The following CDC25C variants were observed in gnomAD, a reference collection of about 807,000 sequenced individuals.
CDC25C encodes M-phase inducer phosphatase 3.
A neutral mutation model predicts 52.5 loss-of-function variants in CDC25C; 48 were observed. The observed-to-expected ratio is 0.91, with a 90% CI of 0.72 to 1.16. The LOEUF is 1.16. Ranked by LOEUF, CDC25C falls within the 50% of genes most tolerant of loss-of-function variation. The pLI is 0.00. For synonymous variants in CDC25C, 187 were observed against 206.5 expected, an observed-to-expected ratio of 0.91 and a Z score of 0.81; for missense variants, 510 against 566.1, an observed-to-expected ratio of 0.90 and a Z score of 1.01.
chr5:138,330,598 C>T (rs1400262397), intron 2 of CDC25C, among the ~76,000 whole-genome samples: 3 of 152,176 alleles, frequency 2.0e-5, no homozygotes, highest in Admixed American at 6.5e-5. Flanking sequence ...GCCTCCACCT[C>T]CCGGGCTCAA....
chr5:138,330,826 CA>C (rs1760310360), intron 2 of CDC25C, among the ~76,000 whole-genome samples, 160 bp downstream of exon 2: 1 of 152,220 alleles, frequency 6.6e-6, no homozygotes. Context: ...TTTCTTGTCA[CA>C]GAAAAGAAGG....
intron 6 of CDC25C, among the ~76,000 whole-genome samples, chr5:138,320,510 T>A (rs901099654): frequency 5.9e-5 from 9 of 152,006 alleles, no homozygotes; most frequent in Admixed American, 3.9e-4. Flanking sequence ...AGATGAACTT[T>A]GAAGACATTA....
chr5:138,338,248 G>A (rs1422333893), exon 1 of CDC25C: 1 of 1,146,240 alleles, frequency 8.7e-7, no homozygotes, highest in African/African-American at 1.6e-5. Context: ...AGGGCACCGT[G>A]GGGCGAACCG....
intron 7 of CDC25C, among the ~76,000 whole-genome samples, chr5:138,318,702 G>A (rs1436226470): frequency 4.6e-5 from 7 of 152,082 alleles, no homozygotes; most frequent in East Asian, 1.9e-4. Context: ...GCGACAGAGC[G>A]AGAATCTGTC....
At chr5:138,309,221 A>AT (rs1383381514) in intron 7 of CDC25C, among the ~76,000 whole-genome samples, 1 of 130,082 alleles carries the variant, frequency 7.7e-6, no homozygotes, top group Non-Finnish European at 1.8e-5. Flanking sequence ...ACAAACTGGT[A>AT]TTAAAAAAAA....
intron 10 of CDC25C, among the ~76,000 whole-genome samples, chr5:138,288,190 C>T (rs1481087167): frequency 6.6e-6 from 1 of 152,116 alleles, no homozygotes; most frequent in Non-Finnish European, 1.5e-5. Context: ...ATTCTCCTGC[C>T]TCAGCCTCCC....
rs1388357370 is a variant in CDC25C, at chr5:138,292,065, T to C, written c.667A>G (p.Arg223Gly). 1 of 1,613,250 alleles carries C rather than the reference T, an allele frequency of 6.2e-7. No individual in the cohort carries two copies. The highest frequency in any genetic ancestry group is 8.5e-7 in the Non-Finnish European group (1 of 1,179,560). ...RSPSMPENLN[R>G]PRLKQVEKFK... The stretch of plus-strand genomic sequence containing the variant: ...TTTTCCACCTGCTTCAGTCTTGGCC[T>C]GTTCAAGTTCTCTGGCATCGACGGG... The change falls in exon 8 of 14, where the codon AGG becomes GGG. Residue 223 changes from arginine to glycine, a missense_variant. Coordinates refer to ENST00000323760, the MANE Select transcript of CDC25C (RefSeq NM_001790.5).
At chr5:138,326,906 C>A (rs750814482) in intron 4 of CDC25C, among the ~76,000 whole-genome samples, 1 of 139,434 alleles carries the variant, frequency 7.2e-6, no homozygotes, top group Non-Finnish European at 1.5e-5. Context: ...GAGCCGAGAT[C>A]GCGCCATTGC....
chr5:138,299,363 G>A (rs1757463496), intron 7 of CDC25C, among the ~76,000 whole-genome samples: 2 of 151,052 alleles, frequency 1.3e-5, no homozygotes, highest in Non-Finnish European at 2.9e-5. Flanking sequence ...AGGCGTGGTA[G>A]GGTACGCCTG....
chr5:138,292,187 C>A, intron 7 of CDC25C, 71 bp from the exon 8 acceptor site: 1 of 1,216,090 alleles, frequency 8.2e-7, no homozygotes. Context: ...GCAACAACAT[C>A]TCCTGGGAGC....
intron 7 of CDC25C, among the ~76,000 whole-genome samples, chr5:138,303,663 T>C (rs187718812): frequency 3.3e-5 from 5 of 152,198 alleles, no homozygotes; most frequent in African/African-American, 1.2e-4. Flanking sequence ...CTCAAATAAG[T>C]CTCCTCTGAC....
At chr5:138,301,358 C>G (rs1316185891) in intron 7 of CDC25C, among the ~76,000 whole-genome samples, 2 of 152,044 alleles carry the variant, frequency 1.3e-5, no homozygotes, top group Non-Finnish European at 2.9e-5. Context: ...TTAAAATGGA[C>G]AAATTCCTTC....
chr5:138,297,473 T>C lies in CDC25C; in HGVS notation c.616-5357A>G, dbSNP rs185728059. 1.5e-3 allele frequency among the ~76,000 whole-genome samples: 229 copies of C among 152,338 alleles called. 1 individual carries two copies. The highest frequency in any genetic ancestry group is 0.01 in the Middle Eastern group (3 of 294). The stretch of plus-strand genomic sequence containing the variant: ...ATTTTCTTTGTTAGGCCTCCTTACC[T>C]ATCAAACCTCTAATAGATGCTGGAT... On this transcript the variant is annotated intron_variant, in intron 7 of 13. Transcript: ENST00000323760.
chr5:138,319,476 A>G (rs2126793594), intron 6 of CDC25C, 102 bp from the exon 7 acceptor site: 1 of 866,822 alleles, frequency 1.2e-6, no homozygotes, highest in South Asian at 2.4e-5. Flanking sequence ...GATAAGGGAA[A>G]AAATTCATGA....
At chr5:138,305,901 A>G (rs923970744) in intron 7 of CDC25C, among the ~76,000 whole-genome samples, 1 of 152,196 alleles carries the variant, frequency 6.6e-6, no homozygotes, top group Admixed American at 6.5e-5. Flanking sequence ...AGAAGCTCAA[A>G]AAGCAAAGGG....
chr5:138,291,894 A>G, intron 8 of CDC25C, 76 bp downstream of exon 8: 1 of 1,269,382 alleles, frequency 7.9e-7, no homozygotes, highest in South Asian at 1.5e-5. Flanking sequence ...AAGGCATAAT[A>G]AAACAATCCT....
intron 7 of CDC25C, among the ~76,000 whole-genome samples, chr5:138,312,063 G>T (rs965962351): frequency 6.6e-6 from 1 of 152,222 alleles, no homozygotes; most frequent in Admixed American, 6.5e-5. Context: ...TGTTGGCTAT[G>T]ATATGGAGAA....
chr5:138,337,155 T>G (rs945341664), intron 1 of CDC25C: 1 of 152,218 alleles, frequency 6.6e-6, no homozygotes, highest in Non-Finnish European at 1.5e-5. Context: ...TTAAAGCCTC[T>G]CCTTTATCCA....
Position 138,285,601 on chromosome 5 carries a change from C to T in CDC25C, c.*91G>A. On this transcript the variant is annotated 3_prime_UTR_variant, in exon 14 of 14. Transcript: ENST00000323760. ...GTTTGCAGAGACATCTTTTAATAAT[C>T]TTGGGTTTGGCCATCCAGAAGGCCT... The T allele has an allele frequency of 8.5e-7, 1 of 1,176,874 alleles. No homozygotes were observed. The highest frequency in any genetic ancestry group is 2.3e-5 in the East Asian group (1 of 42,730). 72.9% of individuals were successfully genotyped at this position (1,176,874 alleles called of 1,614,324 possible).
Sources: gnomAD v4.1 joint callset for allele counts (sites outside exome capture counted in the v4.1 genomes callset) on GRCh38, gnomAD v4.1.1 for gene constraint, MANE v1.5 for transcripts, NCBI Gene and HGNC (gene_info 2026-07-23, HGNC 2026-07-21) for gene names.